The following PHLPP2 variants were observed in gnomAD, a reference collection of about 807,000 sequenced individuals.
PHLPP2 encodes PH domain and leucine rich repeat protein phosphatase 2.
PHLPP2 carries 66 observed loss-of-function variants against 124.9 expected under a neutral mutation model. The ratio of observed to expected loss-of-function variants is 0.53; its 90% confidence interval spans 0.43 to 0.65. PHLPP2 has a LOEUF of 0.65. Ranked by LOEUF, PHLPP2 falls within the 30% of genes least tolerant of loss-of-function variation. PHLPP2 has a pLI of 0.00. For missense variants in PHLPP2, 1,685 were observed against 1,600.4 expected (o/e 1.05, Z -0.90); for synonymous variants, 681 against 624.7 (o/e 1.09, Z -1.34).
At position 71,645,679 on chromosome 16, in the gene PHLPP2, G is replaced by C. The variant is rs957118545; in HGVS notation, c.*3211C>G. The C allele has an allele frequency of 2.0e-5, 3 of 153,392 alleles. No individual in the cohort carries two copies. The highest frequency in any genetic ancestry group is 4.4e-5 in the Non-Finnish European group (3 of 68,088). 9.5% of individuals were successfully genotyped at this position (153,392 alleles called of 1,614,324 possible). On this transcript the variant is annotated 3_prime_UTR_variant, in exon 19 of 19. Transcript: ENST00000568954. ...AAAACAGCACTCACTACAAGCAACT[G>C]TAATAGCACCCAGCAATGACCACGC...
intron 13 of PHLPP2, 60 bp from the exon 14 acceptor site, chr16:71,658,875 G>C: frequency 2.0e-6 from 3 of 1,501,580 alleles, no homozygotes; most frequent in Non-Finnish European, 2.8e-6. Context: ...CCAAGGAAGT[G>C]CTATTCTACA....
intron 2 of PHLPP2, among the ~76,000 whole-genome samples, chr16:71,707,197 C>T (rs1227150456): frequency 6.6e-6 from 1 of 151,714 alleles, no homozygotes; most frequent in South Asian, 2.1e-4. Flanking sequence ...CCTCGTGATC[C>T]GCCCGCCTCG....
At chr16:71,683,490 C>A (rs536253248) in intron 5 of PHLPP2, among the ~76,000 whole-genome samples, 1 of 152,172 alleles carries the variant, frequency 6.6e-6, no homozygotes, top group Non-Finnish European at 1.5e-5. Flanking sequence ...TGGAATGAAT[C>A]CATCTATCAC....
Position 71,690,679 on chromosome 16 carries a change from C to G in PHLPP2, c.449G>C (p.Arg150Pro). ...EKPCHMDRLDRILLSGIYNVR... is the reference protein window; with the variant it reads ...EKPCHMDRLDPILLSGIYNVR... The stretch of plus-strand genomic sequence containing the variant: ...ATTATAGATGCCAGACAATAGGATT[C>G]GATCCAAACGATCCATGTGGCATGG... The change falls in exon 4 of 19, where the codon CGA (arginine) becomes CCA (proline). Residue 150 changes from arginine (R) to proline (P), a missense_variant. Coordinates refer to ENST00000568954, the MANE Select transcript of PHLPP2 (RefSeq NM_015020.3). 1 of 1,612,108 alleles carries G rather than the reference C, an allele frequency of 6.2e-7. No individual in the cohort carries two copies. The highest frequency in any genetic ancestry group is 1.1e-5 in the South Asian group (1 of 90,576).
Position 71,715,967 on chromosome 16 carries a change from G to C in PHLPP2, c.-6-1166C>G, listed in dbSNP as rs1478225197. ...GCCGAGATTGTGCCACCGCACTCCA[G>C]TCTGGGCAACAGAGACTCTGTCTCA... On this transcript the variant is annotated intron_variant, in intron 1 of 18. Transcript: ENST00000568954. 4.7e-5 allele frequency among the ~76,000 whole-genome samples: 7 copies of C among 149,676 alleles called. 1 individual carries two copies. The Admixed American group carries it at 4.7e-4, about 10-fold the overall frequency.
chr16:71,695,319 C>T (rs952199086), intron 3 of PHLPP2, among the ~76,000 whole-genome samples: 27 of 152,124 alleles, frequency 1.8e-4, no homozygotes, highest in Non-Finnish European at 2.9e-5. Context: ...CTGTTTTAAC[C>T]GTCCAAAACT....
intron 10 of PHLPP2, among the ~76,000 whole-genome samples, chr16:71,672,050 A>G (rs2044898803): frequency 6.6e-6 from 1 of 152,116 alleles, no homozygotes; most frequent in Non-Finnish European, 1.5e-5. Flanking sequence ...TTTAAGAAAG[A>G]GTAATTCACA....
At position 71,676,490 on chromosome 16, in the gene PHLPP2, T is replaced by C. The variant is rs980702960; in HGVS notation, c.1428A>G (p.Thr476=). The part of the protein sequence containing the change: ...HCGRNQLREL[T]LSGFSLRTLY... ...GGGTCCGAAGGGAAAAGCCACTGAG[T>C]GTTAGCTCCCTCAGCTGATTCCGCC... Residue 476 remains threonine (T), a synonymous_variant, in exon 9 of 19, where the codon ACA becomes ACG. Transcript: ENST00000568954. 2.7e-5 allele frequency: 44 copies of C among 1,613,996 alleles called. No individual in the cohort carries two copies. Among genetic ancestry groups the C allele is most frequent in the Non-Finnish European group, 3.6e-5 (42 of 1,179,996 alleles).
intron 4 of PHLPP2, among the ~76,000 whole-genome samples, chr16:71,689,751 G>A (rs1385329058): frequency 6.6e-6 from 1 of 151,912 alleles, no homozygotes; most frequent in East Asian, 1.9e-4. Context: ...CTGGCCTCAA[G>A]TGATCCTCCC....
rs990323654 is a variant in PHLPP2 at position 71,646,952 on chromosome 16, C to T, written c.*1938G>A. 2 of 152,280 alleles carry T rather than the reference C, an allele frequency of 1.3e-5. No individual in the cohort carries two copies. Among genetic ancestry groups the T allele is most frequent in the Non-Finnish European group, 2.9e-5 (2 of 68,028 alleles). 9.4% of individuals were successfully genotyped at this position (152,280 alleles called of 1,614,324 possible). A position where few individuals can be genotyped will look rare whatever the true frequency, so the allele number is the denominator to read the frequency against. On this transcript the variant is annotated 3_prime_UTR_variant, in exon 19 of 19. Transcript: ENST00000568954. ...CAAGAGTGTATCCCAATGACACGTG[C>T]ATATGAGCATGGGGCCTCTGAGAAG... is the stretch of plus-strand genomic sequence containing the variant.
chr16:71,670,946 T>A (rs944633892), intron 10 of PHLPP2, among the ~76,000 whole-genome samples: 8 of 151,932 alleles, frequency 5.3e-5, no homozygotes, highest in African/African-American at 1.9e-4. Flanking sequence ...CCCAATCAAG[T>A]AGGAAGCTAA....
At chr16:71,650,272 CA>C (rs1265337335) in intron 18 of PHLPP2, among the ~76,000 whole-genome samples, 1 of 152,196 alleles carries the variant, frequency 6.6e-6, no homozygotes, top group Non-Finnish European at 1.5e-5. Context: ...GACTAAAAGG[CA>C]CCACCATCCC....
In PHLPP2 at chr16:71,676,578, C is replaced by T. The variant is rs1385598896; in HGVS notation, c.1340G>A (p.Arg447Gln). ...GNKHITHVDL[R>Q]DNRLTDLDLS... ...ATCCAAGTCAGTCAGTCGGTTGTCC[C>T]GCAGATCCACGTGGGTGATGTGTTT... is the stretch of plus-strand genomic sequence containing the variant. The change falls in exon 9 of 19, where the codon CGG becomes CAG. Residue 447 changes from arginine to glutamine, a missense_variant. By Grantham distance (43) the Arg-to-Gln change is conservative (BLOSUM62 1). Transcript: ENST00000568954. 3.7e-6 allele frequency: 6 copies of T among 1,613,906 alleles called. No individual in the cohort carries two copies. Among genetic ancestry groups the T allele is most frequent in the South Asian group, 2.2e-5 (2 of 91,082 alleles).
intron 15 of PHLPP2, among the ~76,000 whole-genome samples, chr16:71,657,464 T>C (rs1240747767): frequency 6.6e-6 from 1 of 150,640 alleles, no homozygotes; most frequent in African/African-American, 2.4e-5. Context: ...GCGTGATCTC[T>C]GCTCATTACA....
chr16:71,670,865 G>A (rs1041478008), intron 10 of PHLPP2, among the ~76,000 whole-genome samples: 6 of 152,056 alleles, frequency 3.9e-5, no homozygotes, highest in African/African-American at 9.7e-5. Flanking sequence ...GAATGAATAC[G>A]CATCTATATA....
At chr16:71,705,116 C>G (rs1414560847) in intron 2 of PHLPP2, among the ~76,000 whole-genome samples, 1 of 152,148 alleles carries the variant, frequency 6.6e-6, no homozygotes, top group African/African-American at 2.4e-5. Flanking sequence ...CAGAACTGTT[C>G]AGAGAGACCT....
At chr16:71,650,275 C>G (rs193226869) in intron 18 of PHLPP2, among the ~76,000 whole-genome samples, 21 of 152,156 alleles carry the variant, frequency 1.4e-4, no homozygotes, top group Non-Finnish European at 2.9e-5. Flanking sequence ...TAAAAGGCAC[C>G]ACCATCCCAA....
At chr16:71,700,336 T>C (rs550823210) in intron 3 of PHLPP2, among the ~76,000 whole-genome samples, 10 of 151,290 alleles carry the variant, frequency 6.6e-5, no homozygotes, top group African/African-American at 1.2e-4. Flanking sequence ...GCCCAGGAGG[T>C]TGAGGCTGCA....
intron 3 of PHLPP2, chr16:71,698,548 A>G: frequency 1.5e-6 from 1 of 672,292 alleles, no homozygotes; most frequent in South Asian, 1.4e-5. Context: ...AGTCAGAGAC[A>G]TGAACATCCA....
Sources: allele counts gnomAD v4.1 joint callset (sites outside exome capture counted in the v4.1 genomes callset), GRCh38; gene constraint gnomAD v4.1.1; transcripts MANE v1.5; gene names NCBI Gene and HGNC (gene_info 2026-07-23, HGNC 2026-07-21).